Variants in GSN observed in about 807,000 individuals in gnomAD.
GSN encodes the protein actin-depolymerizing factor.
In GSN, 56 loss-of-function variants were observed where a neutral mutation model predicts 85.7. That is an observed-to-expected ratio of 0.65 (90% confidence interval 0.53 to 0.82). The LOEUF (loss-of-function observed/expected upper bound fraction) is 0.82. Among genes scored for constraint, GSN ranks in the 40% least tolerant of loss-of-function variants. GSN has a pLI of 0.00. For missense variants in GSN, 857 were observed against 979.8 expected (o/e 0.87, Z 1.67); for synonymous variants, 373 against 399.1 (o/e 0.93, Z 0.78).
chr9:121,286,281 C>A, intron 2 of GSN: 1 of 766,404 alleles, frequency 1.3e-6, no homozygotes, highest in South Asian at 1.7e-5. Flanking sequence ...ACTCCTAGTT[C>A]AACACCAGCC....
chr9:121,232,609 G>C (rs766276960), intron 5 of GSN, among the ~76,000 whole-genome samples: 2 of 152,206 alleles, frequency 1.3e-5, no homozygotes, highest in African/African-American at 2.4e-5. Context: ...AAATTTTCAA[G>C]TGTACGATAT....
chr9:121,277,488 T>C (rs1172579207), intron 1 of GSN, among the ~76,000 whole-genome samples: 1 of 152,170 alleles, frequency 6.6e-6, no homozygotes, highest in Non-Finnish European at 1.5e-5. Flanking sequence ...TCAATACTTA[T>C]GAGATAAGGG....
chr9:121,256,027 A>G (rs776539633), intron 6 of GSN, among the ~76,000 whole-genome samples: 4 of 152,078 alleles, frequency 2.6e-5, no homozygotes, highest in Non-Finnish European at 4.4e-5. Flanking sequence ...AGAGATACCT[A>G]TGAGAGAGAT....
intron 6 of GSN, among the ~76,000 whole-genome samples, chr9:121,256,681 C>T (rs1028807484): frequency 2.0e-5 from 3 of 152,044 alleles, no homozygotes; most frequent in African/African-American, 7.2e-5. Context: ...AGTTCGAGAC[C>T]AGTCTGGCCA....
intron 6 of GSN, among the ~76,000 whole-genome samples, chr9:121,260,440 GT>G (rs759948409): frequency 3.9e-5 from 6 of 152,220 alleles, no homozygotes; most frequent in Admixed American, 6.5e-5. Context: ...AATTCCAGAT[GT>G]AAAGTAAGAC....
intron 13 of GSN, 121 bp downstream of exon 13, chr9:121,326,803 G>A (rs1240493415): frequency 3.2e-6 from 3 of 950,162 alleles, no homozygotes; most frequent in South Asian, 1.3e-5. Context: ...GTAAGAAGCA[G>A]CTTTTTGTAT....
intron 2 of GSN, among the ~76,000 whole-genome samples, chr9:121,301,625 C>CAAAAAAAAA (rs753963979): frequency 9.0e-5 from 5 of 55,844 alleles, no homozygotes; most frequent in Admixed American, 1.7e-4. Flanking sequence ...GACTCTGTCT[C>CAAAAAAAAA]AAAAAAAAAA....
intron 1 of GSN, among the ~76,000 whole-genome samples, chr9:121,277,956 G>A (rs2056875004): frequency 6.6e-6 from 1 of 151,686 alleles, no homozygotes; most frequent in Admixed American, 6.6e-5. Context: ...CAGAGAGGGT[G>A]TGTAGCCTAT....
At position 121,327,470 on chromosome 9, in the gene GSN, G is replaced by A. The variant is rs2063360194; in HGVS notation, c.1750G>A (p.Gly584Ser). The A allele has an allele frequency of 3.8e-6, 6 of 1,578,654 alleles. No homozygotes were observed. Among genetic ancestry groups the A allele is most frequent in the Non-Finnish European group, 4.3e-6 (5 of 1,161,234 alleles). ...GGCCCAACCTGTGCAGGTGGCAGAA[G>A]GCAGCGAGCCAGGTAGGAGCCGGGG... ...LRAQPVQVAE[G>S]SEPDGFWEAL... The change falls in exon 14 of 18, where the codon GGC (glycine) becomes AGC (serine). Residue 584 changes from glycine (G) to serine (S), a missense_variant. Gly to Ser is a moderately conservative substitution (Grantham distance 56). Transcript: ENST00000432226.
At chr9:121,295,171 C>T (rs1015423868) in intron 2 of GSN, among the ~76,000 whole-genome samples, 1 of 152,228 alleles carries the variant, frequency 6.6e-6, no homozygotes, top group Non-Finnish European at 1.5e-5. Flanking sequence ...GGCTTCCTCA[C>T]TGCTCCATGC....
At chr9:121,246,774 A>G (rs2054708115) in intron 5 of GSN, among the ~76,000 whole-genome samples, 4 of 152,302 alleles carry the variant, frequency 2.6e-5, no homozygotes, top group Middle Eastern at 6.8e-3. Flanking sequence ...GTCCAAGTTC[A>G]GCCATTCAGA....
intron 5 of GSN, among the ~76,000 whole-genome samples, chr9:121,234,318 G>A (rs1471162970): frequency 6.6e-6 from 1 of 152,184 alleles, no homozygotes; most frequent in Non-Finnish European, 1.5e-5. Flanking sequence ...ACTTTGCAGT[G>A]CCTGCCTCAC....
At position 121,329,059 on chromosome 9, in the gene GSN, G is replaced by C. The variant is rs548501335; in HGVS notation, c.1887+44G>C. 1.0e-4 allele frequency: 164 copies of C among 1,609,458 alleles called. 1 individual carries two copies. In the East Asian group the frequency reaches 3.5e-3, roughly 34 times the overall value. On this transcript the variant is annotated intron_variant, in intron 15 of 17. Transcript: ENST00000432226. This position sits in a 1 kb window ranked among gnomAD's most constrained non-coding sequence, Gnocchi z 4.6. ...CACACCTCTGCTTTCCCCTCGGGAG[G>C]CGAGTTCCACAGGACTGGCCGGCAG...
At chr9:121,239,725 G>T (rs927131194) in intron 5 of GSN, 1 of 306,490 alleles carries the variant, frequency 3.3e-6, no homozygotes, top group Non-Finnish European at 6.4e-6. Context: ...GGTTTTTCCC[G>T]ATCCAACTAA....
At chr9:121,282,644 A>G (rs982863978) in intron 2 of GSN, 5 of 533,232 alleles carry the variant, frequency 9.4e-6, no homozygotes, top group Admixed American at 8.4e-5. Flanking sequence ...GACTCACCCC[A>G]TCAGCGGCTA....
chr9:121,316,288 C>T (rs2061693881), intron 7 of GSN, among the ~76,000 whole-genome samples: 1 of 152,200 alleles, frequency 6.6e-6, no homozygotes, highest in Non-Finnish European at 1.5e-5. Flanking sequence ...CACTCAGCTT[C>T]TCCTTAGCAT....
chr9:121,329,014 T>A lies in GSN; in HGVS notation c.1886T>A (p.Val629Glu). 1 of 1,613,728 alleles carries A rather than the reference T, an allele frequency of 6.2e-7. No homozygotes were observed. The change falls in exon 15 of 18, where the codon GTG becomes GAG. Residue 629 changes from valine (V) to glutamate (E), a missense_variant and splice_region_variant. Coordinates refer to ENST00000432226, the MANE Select transcript of GSN (RefSeq NM_198252.3). The surrounding 1 kb of genome is among the most constrained non-coding windows in gnomAD (Gnocchi z 4.6). The stretch of plus-strand genomic sequence containing the variant: ...TGCTCCAACAAGATTGGACGTTTTG[T>A]GGTGAGCCCCTGCGGAGGTCACACC... ...FACSNKIGRF[V>E]IEEVPGELMQ... is the part of the protein sequence containing the mutation.
chr9:121,202,804 A>G (rs902347570), upstream of GSN, among the ~76,000 whole-genome samples: 7 of 152,188 alleles, frequency 4.6e-5, no homozygotes, highest in Admixed American at 3.9e-4. Flanking sequence ...CTCTGACCTG[A>G]AAGTTCATTT....
At chr9:121,227,056 T>C (rs1327752996) in intron 4 of GSN, among the ~76,000 whole-genome samples, 1 of 152,174 alleles carries the variant, frequency 6.6e-6, no homozygotes, top group Non-Finnish European at 1.5e-5. Context: ...CCCATGTGTC[T>C]TCTCATCTGG....
Sources: allele counts gnomAD v4.1 joint callset (sites outside exome capture counted in the v4.1 genomes callset), GRCh38; gene constraint gnomAD v4.1.1; non-coding constraint Gnocchi (gnomAD v3.1); transcripts MANE v1.5; gene names NCBI Gene and HGNC (gene_info 2026-07-23, HGNC 2026-07-21).